The following SEPTIN10 variants were observed in gnomAD, a reference collection of about 807,000 sequenced individuals.
SEPTIN10 encodes the protein septin 10.
A neutral mutation model predicts 54.8 loss-of-function variants in SEPTIN10; 66 were observed. That is an observed-to-expected ratio of 1.21 (90% CI 0.99 to 1.48). SEPTIN10 has a LOEUF of 1.48. SEPTIN10 is among the 40% of genes most tolerant of loss of function. The pLI, the probability that SEPTIN10 is intolerant of heterozygous loss-of-function variation, is 0.00. For missense variants in SEPTIN10, 620 were observed against 545.6 expected, an observed-to-expected ratio of 1.14 and a Z score of -1.36; for synonymous variants, 161 against 181.0, an observed-to-expected ratio of 0.89 and a Z score of 0.89.
chr2:109,592,875 A>G (rs1694399941), intron 2 of SEPTIN10, among the ~76,000 whole-genome samples, 176 bp downstream of exon 2: 1 of 151,774 alleles, frequency 6.6e-6, no homozygotes, highest in African/African-American at 2.4e-5. Flanking sequence ...TGGATACTCA[A>G]TTATTCAATC....
At chr2:109,570,566 C>T (rs1310792178) in intron 5 of SEPTIN10, among the ~76,000 whole-genome samples, 1 of 151,796 alleles carries the variant, frequency 6.6e-6, no homozygotes, top group Non-Finnish European at 1.5e-5. Context: ...GCTCTGTTGC[C>T]CAGGCTGGAG....
chr2:109,577,778 T>C (rs1690047020), intron 4 of SEPTIN10, among the ~76,000 whole-genome samples: 1 of 149,822 alleles, frequency 6.7e-6, no homozygotes, highest in African/African-American at 2.5e-5. Flanking sequence ...CCAGGTGGGG[T>C]GGTGTGTGAC....
At chr2:109,564,714 A>C (rs1686552160) in intron 7 of SEPTIN10, among the ~76,000 whole-genome samples, 180 bp from the exon 8 acceptor site, 1 of 152,234 alleles carries the variant, frequency 6.6e-6, no homozygotes, top group African/African-American at 2.4e-5. Flanking sequence ...CTTGCAGTAT[A>C]AATACTGTAT....
rs373723750 is a variant in SEPTIN10, at chr2:109,585,780, G to A, written c.158C>T (p.Pro53Leu). ...MSGHVGFESLPDQLVNRSIQQ... is the reference protein window; with the variant it reads ...MSGHVGFESLLDQLVNRSIQQ... ...AATGGATCTGTTCACCAGCTGATCA[G>A]GCAAACTCTCAAAACCAACATGGCC... The change falls in exon 3 of 11, where the codon CCT becomes CTT. Residue 53 changes from proline (P) to leucine (L), a missense_variant. Transcript: ENST00000397712. 6.2e-7 allele frequency: 1 copy of A among 1,613,862 alleles called. No homozygotes were observed. The highest frequency in any genetic ancestry group is 1.3e-5 in the African/African-American group (1 of 74,894).
intron 4 of SEPTIN10, among the ~76,000 whole-genome samples, chr2:109,578,583 A>G (rs1690293356): frequency 6.6e-6 from 1 of 152,146 alleles, no homozygotes; most frequent in South Asian, 2.1e-4. Context: ...TCTGGCCAAC[A>G]GGGCGAAACC....
intron 7 of SEPTIN10, 74 bp downstream of exon 7, chr2:109,565,689 C>G: frequency 3.9e-6 from 5 of 1,269,872 alleles, no homozygotes; most frequent in Non-Finnish European, 5.8e-6. Context: ...AGCATCACCC[C>G]AAAGAAGGCA....
chr2:109,565,783 T>C lies in SEPTIN10; in HGVS notation c.839A>G (p.Tyr280Cys), dbSNP rs1232342417. The C allele has an allele frequency of 1.2e-6, 2 of 1,613,880 alleles. No homozygotes were observed. Among genetic ancestry groups the C allele is most frequent in the Admixed American group, 1.7e-5 (1 of 59,988 alleles). ...TTTACCTTGTACAACACCCCAAGGG[T>C]ACTGGCGAGCTTTGACCATCTTGTT... ...VGNKMVKARQ[Y>C]PWGVVQVENE... The change falls in exon 7 of 11, where the codon TAC becomes TGC. Residue 280 changes from tyrosine (Y) to cysteine (C), a missense_variant. Tyr to Cys is a radical substitution (Grantham distance 194). Coordinates refer to ENST00000397712, the MANE Select transcript of SEPTIN10 (RefSeq NM_144710.5).
intron 8 of SEPTIN10, among the ~76,000 whole-genome samples, chr2:109,561,050 C>T (rs1178968947): frequency 1.3e-5 from 2 of 151,436 alleles, no homozygotes; most frequent in African/African-American, 4.9e-5. Context: ...TTATATTATT[C>T]CTAAAATAGC....
chr2:109,612,789 C>T (rs951734106), intron 1 of SEPTIN10, among the ~76,000 whole-genome samples: 16 of 152,040 alleles, frequency 1.1e-4, no homozygotes, highest in African/African-American at 3.6e-4. Flanking sequence ...TTAAAAAATA[C>T]GCGATAGAAT....
At chr2:109,600,137 G>C (rs1696302097) in intron 1 of SEPTIN10, among the ~76,000 whole-genome samples, 1 of 152,020 alleles carries the variant, frequency 6.6e-6, no homozygotes, top group Non-Finnish European at 1.5e-5. Flanking sequence ...TGTCAGGGCT[G>C]CCTGGCCCAG....
Position 109,545,844 on chromosome 2 carries a change from C to A in SEPTIN10, c.1349+206G>T. 4 of 1,435,562 alleles carry A rather than the reference C, an allele frequency of 2.8e-6. No homozygotes were observed. The South Asian group carries it at 6.3e-5, about 22-fold the overall frequency. 88.9% of individuals were successfully genotyped at this position (1,435,562 alleles called of 1,614,324 possible). Reference sequence around the variant, plus strand: ...CATTCATTTTGGCAAATACTGAACACATAACATGTGCCAGGTGCTGTTCTG... The same window carrying A: ...CATTCATTTTGGCAAATACTGAACAAATAACATGTGCCAGGTGCTGTTCTG... On this transcript the variant is annotated intron_variant, in intron 10 of 10. Transcript: ENST00000397712.
intron 10 of SEPTIN10, chr2:109,545,161 C>A (rs1371364641): frequency 1.0e-6 from 1 of 984,694 alleles, no homozygotes; most frequent in African/African-American, 1.7e-5. Flanking sequence ...GCATGCAACG[C>A]TGCTAGCACA....
chr2:109,612,389 TATCA>T (rs1699441429), intron 1 of SEPTIN10, among the ~76,000 whole-genome samples: 2 of 152,326 alleles, frequency 1.3e-5, no homozygotes, highest in South Asian at 2.1e-4. Flanking sequence ...ATCTTCACTG[TATCA>T]ATCAATGACA....
chr2:109,568,340 T>A (rs990674719), intron 5 of SEPTIN10, among the ~76,000 whole-genome samples: 1 of 151,318 alleles, frequency 6.6e-6, no homozygotes, highest in African/African-American at 2.4e-5. Flanking sequence ...ACACCCCTTA[T>A]ACACTCATTC....
At chr2:109,583,549 A>C (rs1039057601) in intron 4 of SEPTIN10, among the ~76,000 whole-genome samples, 11 of 152,246 alleles carry the variant, frequency 7.2e-5, no homozygotes, top group African/African-American at 2.7e-4. Context: ...GGGAATGTAA[A>C]TTAATGCAGC....
chr2:109,570,072 G>A (rs1688006423), intron 5 of SEPTIN10, among the ~76,000 whole-genome samples: 1 of 151,988 alleles, frequency 6.6e-6, no homozygotes, highest in African/African-American at 2.4e-5. Context: ...GCCAAATCAA[G>A]TAATTTCAGC....
chr2:109,545,080 C>T lies in SEPTIN10; in HGVS notation c.1350-756G>A, dbSNP rs549833636. 2.3e-5 allele frequency: 23 copies of T among 985,392 alleles called. No individual in the cohort carries two copies. In the South Asian group the frequency reaches 1.0e-3, roughly 44 times the overall value. 61.0% of individuals were successfully genotyped at this position (985,392 alleles called of 1,614,324 possible). On this transcript the variant is annotated intron_variant, in intron 10 of 10. Coordinates refer to ENST00000397712, the MANE Select transcript of SEPTIN10 (RefSeq NM_144710.5). Reference sequence around the variant, plus strand: ...TATTTTAAAGTTGAGTTGCAATATTCTGAAAATGGGTCTGAAATAGATGCA... The same window carrying T: ...TATTTTAAAGTTGAGTTGCAATATTTTGAAAATGGGTCTGAAATAGATGCA...
At chr2:109,551,842 C>T (rs1683025387) in intron 9 of SEPTIN10, among the ~76,000 whole-genome samples, 1 of 152,184 alleles carries the variant, frequency 6.6e-6, no homozygotes, top group South Asian at 2.1e-4. Flanking sequence ...TACTCAAAAC[C>T]TAAATTGCTG....
At chr2:109,579,541 G>A (rs1452508164) in intron 4 of SEPTIN10, among the ~76,000 whole-genome samples, 3 of 151,656 alleles carry the variant, frequency 2.0e-5, no homozygotes, top group Admixed American at 6.6e-5. Flanking sequence ...CTGCCACCAC[G>A]CCTGGCTAAT....
Sources: allele counts gnomAD v4.1 joint callset (sites outside exome capture counted in the v4.1 genomes callset), GRCh38; gene constraint gnomAD v4.1.1; transcripts MANE v1.5; gene names NCBI Gene and HGNC (gene_info 2026-07-23, HGNC 2026-07-21).